SNX25: variants seen among roughly 807,000 people sequenced by gnomAD.
SNX25 encodes the protein sorting nexin 25.
Under a neutral mutation model 113.7 loss-of-function variants are expected in SNX25, and 62 were observed. The ratio of observed to expected loss-of-function variants is 0.55; its 90% confidence interval spans 0.44 to 0.67. The LOEUF (loss-of-function observed/expected upper bound fraction) is 0.67. Ranked by LOEUF, SNX25 falls within the 30% of genes least tolerant of loss-of-function variation. The pLI is 0.00. For synonymous variants in SNX25, 421 were observed against 436.2 expected (o/e 0.97, Z 0.43); for missense variants, 1,014 against 1,161.0 (o/e 0.87, Z 1.84).
chr4:185,376,528 A>G, the SNX25 span, among the ~76,000 whole-genome samples: 3 of 147,624 alleles, frequency 2.0e-5, no homozygotes, highest in African/African-American at 5.0e-5. Context: ...TCCTGACCTC[A>G]GGTGATCCAC....
At chr4:185,259,225 T>A (rs911002088) in intron 3 of SNX25, among the ~76,000 whole-genome samples, 161 bp downstream of exon 3, 3 of 144,988 alleles carry the variant, frequency 2.1e-5, no homozygotes, top group Admixed American at 6.9e-5. Context: ...TGGTAGAGTA[T>A]TTTTTTTTTT....
chr4:185,253,766 G>A (rs1746009444), intron 2 of SNX25, among the ~76,000 whole-genome samples: 1 of 152,168 alleles, frequency 6.6e-6, no homozygotes, highest in South Asian at 2.1e-4. Context: ...ACCATGCCCA[G>A]CCTACATATA....
At chr4:185,234,282 A>G (rs1742293399) in intron 1 of SNX25, among the ~76,000 whole-genome samples, 1 of 152,248 alleles carries the variant, frequency 6.6e-6, no homozygotes, top group Admixed American at 6.5e-5. Flanking sequence ...AAACATTACG[A>G]AAGGAACCTG....
intron 3 of SNX25, among the ~76,000 whole-genome samples, chr4:185,264,033 C>G (rs536332590): frequency 6.6e-6 from 1 of 152,262 alleles, no homozygotes; most frequent in Non-Finnish European, 1.5e-5. Flanking sequence ...CTATTATCTC[C>G]CAGTCAGAAA....
chr4:185,272,598 T>C (rs1749101886), intron 5 of SNX25, among the ~76,000 whole-genome samples: 1 of 152,174 alleles, frequency 6.6e-6, no homozygotes, highest in South Asian at 2.1e-4. Flanking sequence ...GGCATCAGGA[T>C]TTTTAAAAAG....
At chr4:185,317,729 G>A (rs2095086299) in intron 7 of SNX25, among the ~76,000 whole-genome samples, 1 of 152,152 alleles carries the variant, frequency 6.6e-6, no homozygotes, top group Non-Finnish European at 1.5e-5. Context: ...AGTGGTAGTA[G>A]AACAATGAGA....
intron 4 of SNX25, among the ~76,000 whole-genome samples, chr4:185,266,425 A>T (rs1318272341): frequency 2.0e-5 from 3 of 152,088 alleles, no homozygotes; most frequent in Non-Finnish European, 4.4e-5. Flanking sequence ...CAGTGGCGAG[A>T]TCTCGGCTCA....
chr4:185,365,259 G>A (rs1035329121), downstream of SNX25: 2 of 152,154 alleles, frequency 1.3e-5, no homozygotes, highest in Admixed American at 6.5e-5. Flanking sequence ...TATGGCACAC[G>A]TCAAAGTTTA....
At chr4:185,342,224 C>A (rs2095263544) in intron 12 of SNX25, 108 bp downstream of exon 12, 2 of 1,267,914 alleles carry the variant, frequency 1.6e-6, no homozygotes, top group Non-Finnish European at 2.1e-6. Context: ...TTGATACTGG[C>A]ACAGTGGCAT....
At chr4:185,255,723 G>C (rs1746313175) in intron 2 of SNX25, among the ~76,000 whole-genome samples, 1 of 152,208 alleles carries the variant, frequency 6.6e-6, no homozygotes. Flanking sequence ...AGTGTGCTGA[G>C]TAGAAAGAGT....
intron 15 of SNX25, among the ~76,000 whole-genome samples, chr4:185,353,901 G>A (rs768701424): frequency 1.3e-5 from 2 of 152,076 alleles, no homozygotes; most frequent in Non-Finnish European, 1.5e-5. Context: ...AAAATTAGCC[G>A]GGCATGGTGG....
intron 1 of SNX25, among the ~76,000 whole-genome samples, chr4:185,215,221 TC>T (rs1419672160): frequency 2.0e-5 from 3 of 151,378 alleles, no homozygotes; most frequent in African/African-American, 7.3e-5. Flanking sequence ...AGAGCGAGAC[TC>T]CGTCTCAAAA....
At chr4:185,306,794 G>A (rs182175690) in intron 6 of SNX25, among the ~76,000 whole-genome samples, 1 of 152,216 alleles carries the variant, frequency 6.6e-6, no homozygotes, top group Non-Finnish European at 1.5e-5. Flanking sequence ...ATTTCCTTAG[G>A]TACACTCACA....
downstream of SNX25, among the ~76,000 whole-genome samples, chr4:185,373,455 G>C (rs936663957): frequency 2.6e-5 from 4 of 152,206 alleles, no homozygotes; most frequent in African/African-American, 9.7e-5. Flanking sequence ...CTAAGGGAGA[G>C]TTCGAGCTCC....
chr4:185,375,838 A>G, the SNX25 span: 8 of 552,000 alleles, frequency 1.4e-5, no homozygotes, highest in Non-Finnish European at 6.4e-6. Context: ...TTAACAAGCA[A>G]TGCAGCCATA....
downstream of SNX25, chr4:185,365,211 GATT>G (rs1434558028): frequency 1.3e-5 from 2 of 152,062 alleles, no homozygotes; most frequent in Admixed American, 1.3e-4. Flanking sequence ...TTCTGCATTG[GATT>G]TATAGAAGAC....
At chr4:185,225,751 T>A (rs1161715105) in intron 1 of SNX25, among the ~76,000 whole-genome samples, 1 of 152,170 alleles carries the variant, frequency 6.6e-6, no homozygotes, top group African/African-American at 2.4e-5. Context: ...ACATCAATCA[T>A]GGGAGGTAGG....
At chr4:185,354,164 A>C (rs1412173232) in intron 15 of SNX25, among the ~76,000 whole-genome samples, 2 of 152,150 alleles carry the variant, frequency 1.3e-5, no homozygotes, top group Non-Finnish European at 2.9e-5. Context: ...TCCTCTGACT[A>C]CAGAAGGTTA....
At chr4:185,337,098 T>C (rs1423280901) in intron 10 of SNX25, among the ~76,000 whole-genome samples, 1 of 152,216 alleles carries the variant, frequency 6.6e-6, no homozygotes, top group African/African-American at 2.4e-5. Flanking sequence ...AAGATTTTTT[T>C]CCCACTCTGT....
Sources: gnomAD v4.1 joint callset for allele counts (sites outside exome capture counted in the v4.1 genomes callset) on GRCh38, gnomAD v4.1.1 for gene constraint, MANE v1.5 for transcripts, NCBI Gene and HGNC (gene_info 2026-07-23, HGNC 2026-07-21) for gene names.